RGS7: variants seen among roughly 807,000 people sequenced by gnomAD.
RGS7 encodes regulator of G-protein signaling 7.
Under a neutral mutation model 81.1 loss-of-function variants are expected in RGS7, and 27 were observed. The ratio of observed to expected loss-of-function variants is 0.33; its 90% CI spans 0.25 to 0.46. The LOEUF is 0.46. Among genes scored for constraint, RGS7 ranks in the 20% least tolerant of loss-of-function variants. The probability of loss-of-function intolerance (pLI) is 1.00; values close to 1 mark genes in which losing one functional copy is unlikely to be tolerated. For missense variants in RGS7, 396 were observed against 607.4 expected, an observed-to-expected ratio of 0.65 and a Z score of 3.66; for synonymous variants, 208 against 207.7, an observed-to-expected ratio of 1.00 and a Z score of -0.01.
chr1:241,294,993 T>G (rs1045830049), intron 2 of RGS7, among the ~76,000 whole-genome samples: 24 of 152,230 alleles, frequency 1.6e-4, no homozygotes, highest in African/African-American at 5.1e-4. Flanking sequence ...AATGTATGAC[T>G]ATAAATCAGC....
intron 2 of RGS7, among the ~76,000 whole-genome samples, chr1:241,145,207 G>C (rs1274282783): frequency 4.0e-5 from 6 of 151,770 alleles, no homozygotes; most frequent in Non-Finnish European, 8.8e-5. Context: ...TAGTAGAGAC[G>C]GGGTTTCACC....
chr1:240,787,284 C>T (rs1685229728), intron 18 of RGS7, among the ~76,000 whole-genome samples: 2 of 152,104 alleles, frequency 1.3e-5, no homozygotes, highest in South Asian at 4.1e-4. Flanking sequence ...GTGTGTTGCT[C>T]TTACGACATT....
rs772001113 is a variant in RGS7 at position 240,811,975 on chromosome 1, A to C, written c.1025T>G (p.Val342Gly). Residue 342 changes from valine (V) to glycine (G), a missense_variant, in exon 14 of 19, where the codon GTT becomes GGT. Val to Gly is a moderately radical substitution (Grantham distance 109). Coordinates refer to ENST00000440928, the MANE Select transcript of RGS7 (RefSeq NM_001364886.1). The stretch of plus-strand genomic sequence containing the variant: ...AAATTTAAGGAACTGTTCTCTCCCA[A>C]CTGGGTCTTTCAATGCCTCGTCCAT... ...FGMDEALKDPVGREQFLKFLE... is the reference protein window; with the variant it reads ...FGMDEALKDPGGREQFLKFLE... 2 of 1,613,866 alleles carry C rather than the reference A, an allele frequency of 1.2e-6. No homozygotes were observed. The highest frequency in any genetic ancestry group is 4.5e-5 in the East Asian group (2 of 44,870).
intron 3 of RGS7, among the ~76,000 whole-genome samples, chr1:241,058,115 G>T (rs982538331): frequency 2.0e-5 from 3 of 152,148 alleles, no homozygotes; most frequent in African/African-American, 7.2e-5. Flanking sequence ...CCTGAAACTG[G>T]TTATCATCAG....
In RGS7 at chr1:241,200,049, G is replaced by A. The variant is rs966900739; in HGVS notation, c.79-101287C>T. ...CCTAACATATAAATACAAAATAAAC[G>A]TTAGATGAATTTTACTGAAATTATT... On this transcript the variant is annotated intron_variant, in intron 2 of 18. Coordinates refer to ENST00000440928, the MANE Select transcript of RGS7 (RefSeq NM_001364886.1). 6.6e-5 allele frequency among the ~76,000 whole-genome samples: 10 copies of A among 152,154 alleles called. No individual in the cohort carries two copies. The Middle Eastern group carries it at 0.01, about 155-fold the overall frequency.
At chr1:240,829,932 C>A (rs1292204915) in intron 9 of RGS7, among the ~76,000 whole-genome samples, 1 of 151,966 alleles carries the variant, frequency 6.6e-6, no homozygotes, top group Non-Finnish European at 1.5e-5. Context: ...TTCTTCATGA[C>A]CTGGAGGCAA....
chr1:241,086,590 T>C (rs979036448), intron 3 of RGS7, among the ~76,000 whole-genome samples: 2 of 151,818 alleles, frequency 1.3e-5, no homozygotes, highest in Non-Finnish European at 2.9e-5. Context: ...TTTTCTACCA[T>C]CTGATGTTTA....
At chr1:241,212,013 C>T (rs2074269088) in intron 2 of RGS7, among the ~76,000 whole-genome samples, 1 of 151,590 alleles carries the variant, frequency 6.6e-6, no homozygotes, top group African/African-American at 2.4e-5. Flanking sequence ...CATTACCAAT[C>T]CATTATTACA....
intron 10 of RGS7, among the ~76,000 whole-genome samples, chr1:240,824,552 T>TCCG (rs1692439271): frequency 6.6e-6 from 1 of 152,248 alleles, no homozygotes; most frequent in Non-Finnish European, 1.5e-5. Context: ...CGTCACCTGC[T>TCCG]CCGCAGATAC....
chr1:241,244,549 G>A (rs1163209556), intron 2 of RGS7, among the ~76,000 whole-genome samples: 3 of 152,182 alleles, frequency 2.0e-5, no homozygotes, highest in African/African-American at 4.8e-5. Context: ...TCAGTGTGGC[G>A]ATTCCTCAAG....
At chr1:240,901,360 T>C (rs35145713) in intron 6 of RGS7, among the ~76,000 whole-genome samples, 19,449 of 152,178 alleles carry the variant, frequency 0.13, 1,344 homozygotes, top group Middle Eastern at 0.18. Flanking sequence ...ATCACCCGTC[T>C]TCTGCGTCGC....
chr1:241,242,435 C>T (rs1472849160), intron 2 of RGS7, among the ~76,000 whole-genome samples: 1 of 152,148 alleles, frequency 6.6e-6, no homozygotes, highest in Non-Finnish European at 1.5e-5. Context: ...CTGCTATAAA[C>T]ATGTGTGTAC....
At chr1:241,347,331 G>A (rs2082961073) in intron 2 of RGS7, among the ~76,000 whole-genome samples, 1 of 152,162 alleles carries the variant, frequency 6.6e-6, no homozygotes, top group Non-Finnish European at 1.5e-5. Flanking sequence ...TAGCTACTCA[G>A]GGGTGGGGTG....
intron 3 of RGS7, among the ~76,000 whole-genome samples, chr1:241,041,161 C>T (rs716280): frequency 0.11 from 17,078 of 152,112 alleles, 1,811 homozygotes; most frequent in African/African-American, 0.27. Flanking sequence ...ACTTAGGAAA[C>T]AGAAATACTT....
chr1:241,264,976 C>A (rs1408785421), intron 2 of RGS7, among the ~76,000 whole-genome samples: 1 of 152,228 alleles, frequency 6.6e-6, no homozygotes, highest in Non-Finnish European at 1.5e-5. Flanking sequence ...AAACAACCCT[C>A]CTTATTAAGA....
At chr1:241,210,447 T>C (rs955743126) in intron 2 of RGS7, among the ~76,000 whole-genome samples, 13 of 151,900 alleles carry the variant, frequency 8.6e-5, no homozygotes, top group Admixed American at 2.6e-4. Flanking sequence ...CACGCCCGGC[T>C]CCAGGAATGC....
At chr1:240,834,442 T>C (rs1345205226) in intron 9 of RGS7, among the ~76,000 whole-genome samples, 1 of 152,176 alleles carries the variant, frequency 6.6e-6, no homozygotes, top group East Asian at 1.9e-4. Flanking sequence ...GCAGGTTGAG[T>C]AGAAGTCACA....
rs1279842444 is a variant in RGS7 at position 240,972,549 on chromosome 1, G to A, written c.226+10530C>T. Among the ~76,000 whole-genome samples, 43 of 98,594 alleles carry A rather than the reference G, an allele frequency of 4.4e-4. 2 individuals are homozygous for A. Among genetic ancestry groups the A allele is most frequent in the African/African-American group, 1.5e-3 (39 of 25,648 alleles). 64.7% of individuals were successfully genotyped at this position (98,594 alleles called of 152,430 possible). A position where few individuals can be genotyped will look rare whatever the true frequency, so the allele number is the denominator to read the frequency against. ...TATCACACTCTGGGGACTGTGGTGG[G>A]GTGGGGGGAGGGGGGAGGGATAGCA... On this transcript the variant is annotated intron_variant, in intron 4 of 18. Coordinates refer to ENST00000440928, the MANE Select transcript of RGS7 (RefSeq NM_001364886.1).
chr1:241,270,320 C>CT (rs2077808473), intron 2 of RGS7, among the ~76,000 whole-genome samples: 1 of 152,150 alleles, frequency 6.6e-6, no homozygotes, highest in Admixed American at 6.5e-5. Flanking sequence ...CTTGGTCTGA[C>CT]TAACACTATA....
Sources: gnomAD v4.1 joint callset for allele counts (sites outside exome capture counted in the v4.1 genomes callset) on GRCh38, gnomAD v4.1.1 for gene constraint, MANE v1.5 for transcripts, NCBI Gene and HGNC (gene_info 2026-07-23, HGNC 2026-07-21) for gene names.